Variants in TP73 observed in about 807,000 individuals in gnomAD.
TP73 encodes tumor protein p73.
Under a neutral mutation model 62.5 loss-of-function variants are expected in TP73, and 25 were observed. That is an observed-to-expected ratio of 0.40 (90% CI 0.29 to 0.56). The LOEUF (loss-of-function observed/expected upper bound fraction) is 0.56, where lower values mean the gene tolerates loss of function less well. TP73 is among the 20% of genes least tolerant of loss of function. TP73 has a pLI of 0.46. For missense variants in TP73, 754 were observed against 913.3 expected (o/e 0.83, Z 2.25); for synonymous variants, 423 against 377.5 (o/e 1.12, Z -1.40).
At position 3,731,056 on chromosome 1, in the gene TP73, G is replaced by A. The variant is rs763520159; in HGVS notation, c.1475G>A (p.Ser492Asn). The A allele has an allele frequency of 6.2e-7, 1 of 1,611,384 alleles. No homozygotes were observed. The stretch of plus-strand genomic sequence containing the variant: ...CCACCCCCCTACCACGCCGACCCCA[G>A]CCTCGTCAGGTGCGTGGGCTGCCGA... ...TPPPPYHADP[S>N]LVSFLTGLGC... The change falls in exon 12 of 14, where the codon AGC (serine) becomes AAC (asparagine). Residue 492 changes from serine to asparagine, a missense_variant. Physicochemically the swap from Ser to Asn is conservative, Grantham distance 46 (BLOSUM62 1). Coordinates refer to ENST00000378295, the MANE Select transcript of TP73 (RefSeq NM_005427.4).
chr1:3,728,998 GAGAGAGAGACAGAGAGAC>G (rs1416821659), intron 9 of TP73, among the ~76,000 whole-genome samples: 2 of 151,998 alleles, frequency 1.3e-5, no homozygotes, highest in East Asian at 3.9e-4. Context: ...AAGAAAGAGA[GAGAGAGAGACAGAGAGAC>G]AGAGAGAGAC....
At chr1:3,723,546 C>T (rs1004567921) in intron 6 of TP73, 77 bp downstream of exon 6, 4 of 709,822 alleles carry the variant, frequency 5.6e-6, no homozygotes, top group Non-Finnish European at 1.0e-5. Context: ...CTGAGGCAGC[C>T]CCTGTCCCTC....
At chr1:3,708,475 C>T (rs185717036) in intron 4 of TP73, 1 of 153,310 alleles carries the variant, frequency 6.5e-6, no homozygotes, top group East Asian at 1.9e-4. Flanking sequence ...CTCTTGCACC[C>T]ACCAACAACG....
intron 1 of TP73, among the ~76,000 whole-genome samples, chr1:3,673,134 G>A (rs1645281203): frequency 6.6e-6 from 1 of 152,240 alleles, no homozygotes; most frequent in Non-Finnish European, 1.5e-5. Context: ...TACCCGTTTC[G>A]AGGACGCCTC....
rs193300511 is a variant in TP73, at chr1:3,691,097, A to G, written c.186+7917A>G. Reference sequence around the variant, plus strand: ...AGCAGAGGTAGGAAGGGAGGCGTTGAGGGGCTAGAGGCAGGTCCCAGGCAT... The same window carrying G: ...AGCAGAGGTAGGAAGGGAGGCGTTGGGGGGCTAGAGGCAGGTCCCAGGCAT... On this transcript the variant is annotated intron_variant, in intron 3 of 13. Transcript: ENST00000378295. 2.3e-3 allele frequency among the ~76,000 whole-genome samples: 352 copies of G among 152,188 alleles called. 1 individual carries two copies. The highest frequency in any genetic ancestry group is 8.2e-3 in the African/African-American group (339 of 41,520).
rs975009052 is a variant in TP73, at chr1:3,672,686, T to G, written c.-33-9647T>G. On this transcript the variant is annotated intron_variant, in intron 1 of 13. Transcript: ENST00000378295. The surrounding 1 kb of genome is among the most constrained non-coding windows in gnomAD (Gnocchi z 5.3). Reference sequence around the variant, plus strand: ...CCTCCCTTAGTGACAGATCTGCTCCTACCACCCCCGCCAGGGTCGCCCTTC... The same window carrying G: ...CCTCCCTTAGTGACAGATCTGCTCCGACCACCCCCGCCAGGGTCGCCCTTC... 6.6e-6 allele frequency among the ~76,000 whole-genome samples: 1 copy of G among 151,632 alleles called. No homozygotes were observed. The highest frequency in any genetic ancestry group is 1.9e-4 in the East Asian group (1 of 5,148).
rs1276561884 is a variant in TP73, at chr1:3,733,514, T to A, written c.*435T>A. 2 of 208,710 alleles carry A rather than the reference T, an allele frequency of 9.6e-6. No individual in the cohort carries two copies. Among genetic ancestry groups the A allele is most frequent in the Admixed American group, 1.0e-4 (2 of 19,108 alleles). 12.9% of individuals were successfully genotyped at this position (208,710 alleles called of 1,614,324 possible). A position where few individuals can be genotyped will look rare whatever the true frequency, so the allele number is the denominator to read the frequency against. ...GACTGCCAAAAAGTATTTTGCGACA[T>A]CTTTTGGTTCTGGATAGTAGTGAGC... On this transcript the variant is annotated 3_prime_UTR_variant, in exon 14 of 14. Coordinates refer to ENST00000378295, the MANE Select transcript of TP73 (RefSeq NM_005427.4).
At chr1:3,712,889 C>T (rs964454849) in intron 4 of TP73, among the ~76,000 whole-genome samples, 1 of 152,140 alleles carries the variant, frequency 6.6e-6, no homozygotes, top group Non-Finnish European at 1.5e-5. Flanking sequence ...TGGTGCCCCA[C>T]CCCGGCCCCT....
chr1:3,702,256 G>A (rs986072068), intron 3 of TP73, among the ~76,000 whole-genome samples: 1 of 152,186 alleles, frequency 6.6e-6, no homozygotes, highest in Non-Finnish European at 1.5e-5. Flanking sequence ...AGGCCAGGGG[G>A]CAGGCGGGAC....
intron 3 of TP73, among the ~76,000 whole-genome samples, chr1:3,683,632 G>A (rs1182959293): frequency 6.6e-6 from 1 of 152,196 alleles, no homozygotes; most frequent in African/African-American, 2.4e-5. Context: ...TTGTTTTTAG[G>A]CCGCATCTCC....
At chr1:3,697,204 T>A (rs975788870) in intron 3 of TP73, among the ~76,000 whole-genome samples, 1 of 149,926 alleles carries the variant, frequency 6.7e-6, no homozygotes, top group Non-Finnish European at 1.5e-5. Context: ...TCGCACCCAC[T>A]GCTCAGATAC....
chr1:3,711,867 T>TGTGTGTGTGTGTGTGCGC (rs1491505004), intron 4 of TP73, among the ~76,000 whole-genome samples: 1 of 147,790 alleles, frequency 6.8e-6, no homozygotes, highest in African/African-American at 2.5e-5. Context: ...TGTGTGTGTG[T>TGTGTGTGTGTGTGTGCGC]GCGCGAGCAT....
chr1:3,722,117 CGG>C lies in TP73; in HGVS notation c.528_529del (p.Ala177HisfsTer44). The C allele has an allele frequency of 6.2e-7, 1 of 1,612,856 alleles. No homozygotes were observed. The highest frequency in any genetic ancestry group is 8.5e-7 in the Non-Finnish European group (1 of 1,179,826). Reference sequence around the variant, plus strand: ...CCCGCCACCCCCAGGCACCGCCATCCGGGCCATGCCTGTTTACAAGAAAGCGG... The same window carrying C: ...CCCGCCACCCCCAGGCACCGCCATCCGCCATGCCTGTTTACAAGAAAGCGG... Reference protein sequence around the residue: ...STPPPPGTAIRAMPVYKKAEH... With the variant: ...STPPPPGTAIXAMPVYKKAEH... On this transcript the variant is annotated frameshift_variant, in exon 5 of 14. Coordinates refer to ENST00000378295, the MANE Select transcript of TP73 (RefSeq NM_005427.4). LOFTEE classifies it high-confidence loss of function.
Position 3,672,437 on chromosome 1 carries a change from T to A in TP73, c.-33-9896T>A, listed in dbSNP as rs3765701. 0.55 allele frequency among the ~76,000 whole-genome samples: 83,292 copies of A among 151,856 alleles called. 23,312 individuals are homozygous for A. Among genetic ancestry groups the A allele is most frequent in the Middle Eastern group, 0.67 (198 of 294 alleles). ...GGGGCAGAGGACAGGGATGTGTCTG[T>A]GCAGAACGAGGCTGTGGCAGCTCCA... On this transcript the variant is annotated intron_variant, in intron 1 of 13. Transcript: ENST00000378295. This position sits in a 1 kb window ranked among gnomAD's most constrained non-coding sequence, Gnocchi z 5.3.
intron 1 of TP73, among the ~76,000 whole-genome samples, chr1:3,680,608 C>A (rs1478941084): frequency 6.6e-6 from 1 of 152,214 alleles, no homozygotes; most frequent in Non-Finnish European, 1.5e-5. Flanking sequence ...GGCCCACATA[C>A]CTGCACCAAG....
At chr1:3,678,430 A>G (rs1375173113) in intron 1 of TP73, among the ~76,000 whole-genome samples, 1 of 152,152 alleles carries the variant, frequency 6.6e-6, no homozygotes, top group Non-Finnish European at 1.5e-5. Flanking sequence ...GCCAGTCATC[A>G]GCTCAGGTGT....
At chr1:3,669,095 C>T (rs74393281) in intron 1 of TP73, among the ~76,000 whole-genome samples, 3,718 of 152,330 alleles carry the variant, frequency 0.024, 78 homozygotes, top group African/African-American at 0.049. Context: ...CGCCCGCCTG[C>T]GGGAGCCAGG....
At chr1:3,655,115 C>T (rs933634532) in intron 1 of TP73, among the ~76,000 whole-genome samples, 4 of 152,314 alleles carry the variant, frequency 2.6e-5, no homozygotes, top group East Asian at 3.9e-4. Context: ...GGCCAGGCGC[C>T]GTGGCCCACG....
intron 4 of TP73, among the ~76,000 whole-genome samples, chr1:3,708,845 C>A (rs977445717): frequency 6.6e-6 from 1 of 152,234 alleles, no homozygotes; most frequent in Non-Finnish European, 1.5e-5. Flanking sequence ...CATGTTGGTC[C>A]GGCCCACTGG....
Sources: allele counts gnomAD v4.1 joint callset (sites outside exome capture counted in the v4.1 genomes callset), GRCh38; gene constraint gnomAD v4.1.1; non-coding constraint Gnocchi (gnomAD v3.1); transcripts MANE v1.5; gene names NCBI Gene and HGNC (gene_info 2026-07-23, HGNC 2026-07-21).